ARHGEF1: variants seen among roughly 807,000 people sequenced by gnomAD.
The protein encoded by ARHGEF1 is Rho guanine nucleotide exchange factor 1, also known as 115 kDa guanine nucleotide exchange factor.
ARHGEF1 carries 40 observed loss-of-function variants against 119.7 expected under a neutral mutation model. The observed-to-expected ratio is 0.33, with a 90% CI of 0.26 to 0.44. The LOEUF (loss-of-function observed/expected upper bound fraction) is 0.44, where lower values mean the gene tolerates loss of function less well. ARHGEF1 is among the 20% of genes least tolerant of loss of function. ARHGEF1 has a pLI of 1.00. For missense variants in ARHGEF1, 976 were observed against 1,268.3 expected (o/e 0.77, Z 3.50); for synonymous variants, 494 against 521.0 (o/e 0.95, Z 0.71).
downstream of ARHGEF1, among the ~76,000 whole-genome samples, chr19:41,910,715 C>T (rs1429618209): frequency 2.6e-5 from 4 of 152,136 alleles, no homozygotes; most frequent in East Asian, 5.8e-4. This position sits in a 1 kb window ranked among gnomAD's most constrained non-coding sequence, Gnocchi z 4.4. Context: ...CAGTCCAGAA[C>T]GATGTGTGTG....
chr19:41,886,893 C>T (rs1555845305), intron 1 of ARHGEF1, among the ~76,000 whole-genome samples: 3 of 152,200 alleles, frequency 2.0e-5, no homozygotes, highest in Non-Finnish European at 4.4e-5. Context: ...CTTTCCACAG[C>T]TCCTTCCCAC....
rs782478584 is a variant in ARHGEF1, at chr19:41,907,171, C to A, written c.*84C>A. On this transcript the variant is annotated 3_prime_UTR_variant, in exon 29 of 29. Coordinates refer to ENST00000354532, the MANE Select transcript of ARHGEF1 (RefSeq NM_004706.4). ...GGACCACCCCCACCCACACAGCTGC[C>A]GCAGCATCTCACACCCCGAGGGCCT... 7.8e-6 allele frequency: 12 copies of A among 1,529,720 alleles called. No individual in the cohort carries two copies. The highest frequency in any genetic ancestry group is 1.0e-5 in the Non-Finnish European group (12 of 1,144,262). The allele number at this position is 1,529,720 out of a possible 1,614,324, so 94.8% of individuals were successfully genotyped here.
Position 41,892,936 on chromosome 19 carries a change from A to C in ARHGEF1, c.614+87A>C. The C allele has an allele frequency of 7.0e-7, 1 of 1,424,730 alleles. No individual in the cohort carries two copies. The allele number at this position is 1,424,730 out of a possible 1,614,324, so 88.3% of individuals were successfully genotyped here. A position where few individuals can be genotyped will look rare whatever the true frequency, so the allele number is the denominator to read the frequency against. On this transcript the variant is annotated intron_variant, in intron 7 of 28. Transcript: ENST00000354532. This position sits in a 1 kb window ranked among gnomAD's most constrained non-coding sequence, Gnocchi z 6.3. ...CTCTGGCATGTTCCATCCCGTTTGC[A>C]GGTTCCCTCTTCAGGGTCAGAGTTC...
chr19:41,916,281 CAA>C lies in ARHGEF1; in HGVS notation c.1866-6809_1866-6808del, dbSNP rs138722746. Among the ~76,000 whole-genome samples the C allele has an allele frequency of 0.26, 39,215 of 151,522 alleles. 10,776 individuals are homozygous for C. Among genetic ancestry groups the C allele is most frequent in the African/African-American group, 0.7 (28,749 of 41,152 alleles). ...CACACTGCATGAGCCCACATGTCAA[CAA>C]AGTCACACACAGCACCACGTCCCAC... On this transcript the variant is annotated intron_variant, in intron 18 of 20. Transcript: ENST00000599589. This position sits in a 1 kb window ranked among gnomAD's most constrained non-coding sequence, Gnocchi z 5.4.
rs1453850215 is a variant in ARHGEF1 at position 41,917,517 on chromosome 19, G to A, written c.1866-5575G>A. Among the ~76,000 whole-genome samples the A allele has an allele frequency of 2.2e-5, 3 of 136,186 alleles. No homozygotes were observed. Among genetic ancestry groups the A allele is most frequent in the Non-Finnish European group, 3.1e-5 (2 of 65,568 alleles). 89.3% of individuals were successfully genotyped at this position (136,186 alleles called of 152,430 possible). On this transcript the variant is annotated intron_variant, in intron 18 of 20. Transcript: ENST00000599589. This position sits in a 1 kb window ranked among gnomAD's most constrained non-coding sequence, Gnocchi z 4.8. ...TCCCCTTAACACAATCTGCACAATCGGAATGAAAATTGATTTTTTTTTTAA... is the reference window on the plus strand; with the variant it reads ...TCCCCTTAACACAATCTGCACAATCAGAATGAAAATTGATTTTTTTTTTAA...
chr19:41,904,892 A>G lies in ARHGEF1; in HGVS notation c.2162-57A>G. ...TGACTTCTCCAGCTTGTGCTTAGGG[A>G]GGGGCAGGCACTGGGGGGACCTGGG... On this transcript the variant is annotated intron_variant, in intron 22 of 28. Transcript: ENST00000354532. This position sits in a 1 kb window ranked among gnomAD's most constrained non-coding sequence, Gnocchi z 8.4. 1 of 1,453,132 alleles carries G rather than the reference A, an allele frequency of 6.9e-7. No homozygotes were observed. The highest frequency in any genetic ancestry group is 9.7e-7 in the Non-Finnish European group (1 of 1,034,608). 90.0% of individuals were successfully genotyped at this position (1,453,132 alleles called of 1,614,324 possible).
intron 1 of ARHGEF1, among the ~76,000 whole-genome samples, chr19:41,924,579 G>T (rs2074860924): frequency 6.6e-6 from 1 of 152,140 alleles, no homozygotes. Context: ...GTGTTATGTG[G>T]TGGAACAGGT....
At chr19:41,923,314 C>T in intron 1 of ARHGEF1, 1 of 382,718 alleles carries the variant, frequency 2.6e-6, no homozygotes, top group Non-Finnish European at 5.2e-6. Flanking sequence ...AGGAAAGAGA[C>T]AAGACAAGGA....
rs574152325 is a variant in ARHGEF1, at chr19:41,895,606, A to G, written c.1015+120A>G. On this transcript the variant is annotated intron_variant, in intron 12 of 28. Coordinates refer to ENST00000354532, the MANE Select transcript of ARHGEF1 (RefSeq NM_004706.4). ...CCAGCAACACCTCCCCTTTGCTCTC[A>G]GCATCCACTTCTCCCTGCTCCTGGT... The G allele has an allele frequency of 1.4e-5, 15 of 1,097,910 alleles. No homozygotes were observed. The South Asian group carries it at 1.6e-4, about 12-fold the overall frequency. The allele number at this position is 1,097,910 out of a possible 1,614,324, so 68.0% of individuals were successfully genotyped here.
Position 41,896,679 on chromosome 19 carries a change from C to T in ARHGEF1, c.1121+197C>T, listed in dbSNP as rs564957315. 8 of 700,254 alleles carry T rather than the reference C, an allele frequency of 1.1e-5. No homozygotes were observed. The South Asian group carries it at 1.2e-4, about 10-fold the overall frequency. 43.4% of individuals were successfully genotyped at this position (700,254 alleles called of 1,614,324 possible). On this transcript the variant is annotated intron_variant, in intron 13 of 28. Transcript: ENST00000354532. Reference sequence around the variant, plus strand: ...CTCCCTCCTGCTTCCTCATTGCCCCCCTTTCCTTTTATCCTTCCTTTTTCC... The same window carrying T: ...CTCCCTCCTGCTTCCTCATTGCCCCTCTTTCCTTTTATCCTTCCTTTTTCC...
rs1293380937 is a variant in ARHGEF1, at chr19:41,904,926, C to T, written c.2162-23C>T. The T allele has an allele frequency of 3.7e-6, 6 of 1,604,718 alleles. No homozygotes were observed. The highest frequency in any genetic ancestry group is 5.1e-6 in the Non-Finnish European group (6 of 1,171,726). On this transcript the variant is annotated intron_variant, in intron 22 of 28. Transcript: ENST00000354532. The surrounding 1 kb of genome is among the most constrained non-coding windows in gnomAD (Gnocchi z 8.4). ...CACTGGGGGGACCTGGGCTCTGAGC[C>T]CCATCTCCCCCTCTCCCTGCAGATC...
rs782737562 is a variant in ARHGEF1, at chr19:41,895,418, C to A, written c.947C>A (p.Ala316Asp). 5.6e-6 allele frequency: 9 copies of A among 1,612,814 alleles called. No homozygotes were observed. The highest frequency in any genetic ancestry group is 6.8e-6 in the Non-Finnish European group (8 of 1,179,618). The stretch of plus-strand genomic sequence containing the variant: ...CCCTCTCGGGACCGGAATATCGGGG[C>A]TCCTGGGCAGGACACCCCTGGAGTC... ...GMPSRDRNIG[A>D]PGQDTPGVSL... The change falls in exon 12 of 29, where the codon GCT (alanine) becomes GAT (aspartate). Residue 316 changes from alanine (A) to aspartate (D), a missense_variant. Transcript: ENST00000354532.
At chr19:41,901,766 T>TC in intron 14 of ARHGEF1, 121 bp from the exon 15 acceptor site, 2 of 1,277,852 alleles carry the variant, frequency 1.6e-6, no homozygotes, top group Non-Finnish European at 2.1e-6. Flanking sequence ...GAGAGTTTTT[T>TC]CCCACCAACT....
chr19:41,907,967 C>T, downstream of ARHGEF1: 1 of 385,984 alleles, frequency 2.6e-6, no homozygotes. Context: ...CCATATTGCA[C>T]TTTGGGAGTG....
intron 18 of ARHGEF1, among the ~76,000 whole-genome samples, chr19:41,914,820 G>C (rs1369707887): frequency 1.5e-3 from 8 of 5,486 alleles, no homozygotes; most frequent in Admixed American, 1.8e-3. Context: ...CCTCCACCGT[G>C]TCTCCCCCCC....
At chr19:41,890,037 G>A (rs2074351316) in intron 4 of ARHGEF1, 1 of 152,196 alleles carries the variant, frequency 6.6e-6, no homozygotes, top group Non-Finnish European at 1.5e-5. Context: ...GCATTTTGAG[G>A]TTTATTCTCG....
downstream of ARHGEF1, among the ~76,000 whole-genome samples, chr19:41,911,559 T>C (rs2074751537): frequency 6.6e-6 from 1 of 151,850 alleles, no homozygotes; most frequent in Non-Finnish European, 1.5e-5. Flanking sequence ...TGGGTGCTTG[T>C]GCCTCCCGGC....
intron 1 of ARHGEF1, among the ~76,000 whole-genome samples, chr19:41,887,474 T>C (rs1178678409): frequency 2.0e-5 from 3 of 152,034 alleles, no homozygotes; most frequent in Non-Finnish European, 4.4e-5. Flanking sequence ...ACTTCTGGGT[T>C]TGGGGACTCC....
Position 41,905,901 on chromosome 19 carries a change from C to G in ARHGEF1, c.2405-38C>G, listed in dbSNP as rs199560061. 1 of 1,613,288 alleles carries G rather than the reference C, an allele frequency of 6.2e-7. No homozygotes were observed. Among genetic ancestry groups the G allele is most frequent in the African/African-American group, 1.3e-5 (1 of 74,896 alleles). ...TGAAGAGAGGCATCCACAGGAGGCC[C>G]GGCAGGATCTGAGCTCCCTCTCTGT... On this transcript the variant is annotated intron_variant, in intron 25 of 28. Coordinates refer to ENST00000354532, the MANE Select transcript of ARHGEF1 (RefSeq NM_004706.4). The surrounding 1 kb of genome is among the most constrained non-coding windows in gnomAD (Gnocchi z 6.4).
Sources: gnomAD v4.1 joint callset for allele counts (sites outside exome capture counted in the v4.1 genomes callset) on GRCh38, gnomAD v4.1.1 for gene constraint, Gnocchi (gnomAD v3.1) non-coding constraint, MANE v1.5 for transcripts, NCBI Gene and HGNC (gene_info 2026-07-23, HGNC 2026-07-21) for gene names.